The following SLC16A2 variants were observed in gnomAD, a reference collection of about 807,000 sequenced individuals.
The protein encoded by SLC16A2 is monocarboxylate transporter 8.
SLC16A2 carries 3 observed loss-of-function variants against 27.2 expected under a neutral mutation model. The ratio of observed to expected loss-of-function variants is 0.11; its 90% confidence interval spans 0.05 to 0.28. The LOEUF (loss-of-function observed/expected upper bound fraction) is 0.28. SLC16A2 is among the 10% of genes least tolerant of loss of function. The probability of loss-of-function intolerance (pLI) is 1.00; values close to 1 mark genes in which losing one functional copy is unlikely to be tolerated. For synonymous variants in SLC16A2, 202 were observed against 187.8 expected (o/e 1.08, Z -0.62); for missense variants, 295 against 458.5 (o/e 0.64, Z 3.26).
rs58825201 is a variant in SLC16A2 at position 74,489,966 on chromosome X, CACAT to C, written c.431-31020_431-31017del. Among the ~76,000 whole-genome samples, 346 of 66,655 alleles carry C rather than the reference CACAT, an allele frequency of 5.2e-3. 1 individual carries two copies. Among genetic ancestry groups the C allele is most frequent in the African/African-American group, 0.022 (329 of 15,234 alleles). The allele number at this position is 66,655 out of a possible 115,157, so 57.9% of individuals were successfully genotyped here. ...ATAGAAGTCTATTATAAAGGTCACA[CACAT>C]ACACACACACACACACACACACACA... On this transcript the variant is annotated intron_variant, in intron 1 of 5. Transcript: ENST00000587091.
rs759897791 is a variant in SLC16A2, at chrX:74,509,216, G to A, written c.431-11774G>A. 9.1e-5 allele frequency among the ~76,000 whole-genome samples: 10 copies of A among 110,466 alleles called. No individual in the cohort carries two copies. The Admixed American group carries it at 9.7e-4, about 11-fold the overall frequency. ...TGGACTCAAGTGGTCCACCCGCCTC[G>A]GCCTCCCAAATTGCTGGGATTAGAG... is the stretch of plus-strand genomic sequence containing the variant. On this transcript the variant is annotated intron_variant, in intron 1 of 5. Coordinates refer to ENST00000587091, the MANE Select transcript of SLC16A2 (RefSeq NM_006517.5).
intron 5 of SLC16A2, 33 bp from the exon 6 acceptor site, chrX:74,531,300 C>T: frequency 8.6e-7 from 1 of 1,160,664 alleles, no homozygotes. Flanking sequence ...TAGGGCAAAG[C>T]TGAGCTTGAC....
At chrX:74,510,415 T>G (rs941946588) in intron 1 of SLC16A2, among the ~76,000 whole-genome samples, 4 of 111,979 alleles carry the variant, frequency 3.6e-5, no homozygotes, top group African/African-American at 1.3e-4. Context: ...ACACCTGTAA[T>G]CTGCCTTAGC....
At chrX:74,462,043 G>C (rs1164023804) in intron 1 of SLC16A2, among the ~76,000 whole-genome samples, 1 of 111,421 alleles carries the variant, frequency 9.0e-6, no homozygotes, top group African/African-American at 3.3e-5. Flanking sequence ...CCCTTCCCGT[G>C]AACTCCCTCT....
In SLC16A2 at chrX:74,421,766, C is replaced by G. The variant is rs1421428914; in HGVS notation, c.129C>G (p.Pro43=). The G allele has an allele frequency of 3.5e-6, 4 of 1,138,470 alleles. No homozygotes were observed. Among genetic ancestry groups the G allele is most frequent in the South Asian group, 1.9e-5 (1 of 52,390 alleles). The allele number at this position is 1,138,470 out of a possible 1,213,427, so 93.8% of individuals were successfully genotyped here. A position where few individuals can be genotyped will look rare whatever the true frequency, so the allele number is the denominator to read the frequency against. The change falls in exon 1 of 6, where the codon CCC becomes CCG. Residue 43 remains proline (P), a synonymous_variant. Transcript: ENST00000587091. The part of the protein sequence containing the change: ...SEPEPEPEPE[P]VPVPPPEPQP... ...CGGAGCCTGAGCCCGAGCCCGAGCC[C>G]GTGCCAGTGCCCCCGCCCGAGCCCC...
chrX:74,483,125 G>T (rs1284767149), intron 1 of SLC16A2, among the ~76,000 whole-genome samples: 1 of 111,228 alleles, frequency 9.0e-6, no homozygotes, highest in Non-Finnish European at 1.9e-5. Flanking sequence ...GCAGCATACA[G>T]CCTCTGTGTC....
intron 1 of SLC16A2, among the ~76,000 whole-genome samples, chrX:74,435,541 A>ATATATATGTG (rs1555980983): frequency 1.3e-4 from 10 of 79,301 alleles, no homozygotes; most frequent in East Asian, 6.6e-4. Context: ...ATATATGTAT[A>ATATATATGTG]TATATATATA....
intron 1 of SLC16A2, among the ~76,000 whole-genome samples, chrX:74,495,200 G>A (rs1929911373): frequency 8.9e-6 from 1 of 111,776 alleles, no homozygotes; most frequent in Admixed American, 9.5e-5. Context: ...CTGTGTGTGT[G>A]TGTGTGGCAG....
intron 1 of SLC16A2, among the ~76,000 whole-genome samples, chrX:74,475,778 A>G (rs1435577134): frequency 2.7e-5 from 3 of 111,681 alleles, no homozygotes; most frequent in Non-Finnish European, 5.6e-5. Context: ...TTTGTCAAAG[A>G]TCAGGTAGTT....
rs191388355 is a variant in SLC16A2 at position 74,423,623 on chromosome X, A to C, written c.430+1556A>C. ...CTACCCAGGCCCACTGTGATGCTGG[A>C]ATGGAGGGGTCCTGGGACAGTGTAG... On this transcript the variant is annotated intron_variant, in intron 1 of 5. Coordinates refer to ENST00000587091, the MANE Select transcript of SLC16A2 (RefSeq NM_006517.5). Among the ~76,000 whole-genome samples the C allele has an allele frequency of 2.8e-3, 313 of 111,853 alleles. 2 individuals carry two copies. Among genetic ancestry groups the C allele is most frequent in the Non-Finnish European group, 4.7e-3 (251 of 53,116 alleles).
At chrX:74,481,435 C>T (rs1328337494) in intron 1 of SLC16A2, among the ~76,000 whole-genome samples, 1 of 111,416 alleles carries the variant, frequency 9.0e-6, no homozygotes, top group Non-Finnish European at 1.9e-5. Context: ...AGATTTTGGT[C>T]GTTTCTGTCT....
intron 1 of SLC16A2, among the ~76,000 whole-genome samples, chrX:74,453,185 G>A (rs753315971): frequency 6.4e-5 from 7 of 109,763 alleles, no homozygotes; most frequent in African/African-American, 2.3e-4. Context: ...GGGATTACAG[G>A]TGCCACGCCT....
chrX:74,475,328 TTTG>T (rs1929450005), intron 1 of SLC16A2, among the ~76,000 whole-genome samples: 2 of 62,941 alleles, frequency 3.2e-5, no homozygotes, highest in South Asian at 6.5e-4. Context: ...GATGGAGTTG[TTTG>T]TTTTTTTCTT....
intron 1 of SLC16A2, among the ~76,000 whole-genome samples, chrX:74,477,431 G>T (rs1488330385): frequency 9.0e-6 from 1 of 111,334 alleles, no homozygotes; most frequent in East Asian, 2.8e-4. Flanking sequence ...CAAAAAACCA[G>T]CTCCTGGATT....
intron 1 of SLC16A2, among the ~76,000 whole-genome samples, chrX:74,493,914 A>G (rs1017839618): frequency 9.0e-5 from 10 of 111,599 alleles, no homozygotes; most frequent in Non-Finnish European, 3.8e-5. Flanking sequence ...CCAGACTCTC[A>G]GGCGGGAACA....
intron 1 of SLC16A2, among the ~76,000 whole-genome samples, chrX:74,493,958 CCCCT>C (rs928399203): frequency 1.8e-5 from 2 of 111,662 alleles, no homozygotes; most frequent in African/African-American, 6.5e-5. Flanking sequence ...TCTTGCTTCT[CCCCT>C]CCCTCTCCCC....
At chrX:74,435,539 A>G (rs56828995) in intron 1 of SLC16A2, among the ~76,000 whole-genome samples, 788 of 70,794 alleles carry the variant, frequency 0.011, 7 homozygotes, top group African/African-American at 0.016. Context: ...ATATATATGT[A>G]TATATATATA....
At chrX:74,501,275 T>C (rs758061786) in intron 1 of SLC16A2, among the ~76,000 whole-genome samples, 1 of 111,223 alleles carries the variant, frequency 9.0e-6, no homozygotes, top group African/African-American at 3.3e-5. Flanking sequence ...ATTGCCATAT[T>C]ATTCTTTAGT....
In SLC16A2 at chrX:74,525,793, G is replaced by T; in HGVS notation, c.1070G>T (p.Trp357Leu). Residue 357 changes from tryptophan to leucine, a missense_variant, in exon 4 of 6, where the codon TGG (tryptophan) becomes TTG (leucine). Trp to Leu is a moderately conservative substitution (Grantham distance 61, BLOSUM62 -2). Coordinates refer to ENST00000587091, the MANE Select transcript of SLC16A2 (RefSeq NM_006517.5). ...GAGTTCTCAGAAATCAAGGAGACCT[G>T]GGTGCTCTTGGTGTGTATTGGGGCT... Reference protein sequence around the residue: ...EEEFSEIKETWVLLVCIGATS... With the variant: ...EEEFSEIKETLVLLVCIGATS... 1 of 1,211,322 alleles carries T rather than the reference G, an allele frequency of 8.3e-7. No homozygotes were observed. The highest frequency in any genetic ancestry group is 1.1e-6 in the Non-Finnish European group (1 of 895,148).
Sources: allele counts gnomAD v4.1 joint callset (sites outside exome capture counted in the v4.1 genomes callset), GRCh38; gene constraint gnomAD v4.1.1; transcripts MANE v1.5; gene names NCBI Gene and HGNC (gene_info 2026-07-23, HGNC 2026-07-21).